The following RHAG variants were observed in gnomAD, a reference collection of about 807,000 sequenced individuals.
RHAG encodes the protein ammonium transporter Rh type A.
Under a neutral mutation model 42.4 loss-of-function variants are expected in RHAG, and 25 were observed. The ratio of observed to expected loss-of-function variants is 0.59; its 90% CI spans 0.43 to 0.82. RHAG has a LOEUF of 0.82. RHAG is among the 40% of genes least tolerant of loss of function. The probability of loss-of-function intolerance (pLI) is 0.00; values close to 1 mark genes in which losing one functional copy is unlikely to be tolerated. For missense variants in RHAG, 483 were observed against 504.6 expected (o/e 0.96, Z 0.41); for synonymous variants, 182 against 177.7 (o/e 1.02, Z -0.19).
chr6:49,618,086 C>T lies in RHAG; in HGVS notation c.474G>A (p.Leu158=), dbSNP rs150347356. Residue 158 remains leucine, a synonymous_variant, in exon 3 of 10, where the codon CTG becomes CTA. Transcript: ENST00000371175. Reference sequence around the variant, plus strand: ...CTCTTACCTTAAATATTTCACTAACCAGGTATTCATTGTGGGCAAAGAAAA... The same window carrying T: ...CTCTTACCTTAAATATTTCACTAACTAGGTATTCATTGTGGGCAAAGAAAA... ...EIVFFAHNEY[L]VSEIFKASDI... 2.4e-5 allele frequency: 39 copies of T among 1,613,740 alleles called. No individual in the cohort carries two copies. The highest frequency in any genetic ancestry group is 3.1e-5 in the Non-Finnish European group (36 of 1,179,824).
At position 49,636,794 on chromosome 6, in the gene RHAG, G is replaced by C; in HGVS notation, c.19C>G (p.Leu7Val). The C allele has an allele frequency of 6.2e-7, 1 of 1,613,850 alleles. No individual in the cohort carries two copies. The highest frequency in any genetic ancestry group is 8.5e-7 in the Non-Finnish European group (1 of 1,179,766). ...GCAATTTCCAGGACTATAGCCATGAGAGGGAATGTGAACCTCATGTTTGTG... is the reference window on the plus strand; with the variant it reads ...GCAATTTCCAGGACTATAGCCATGACAGGGAATGTGAACCTCATGTTTGTG... MRFTFP[L>V]MAIVLEIAMI... Residue 7 changes from leucine (L) to valine (V), a missense_variant, in exon 1 of 10, where the codon CTC becomes GTC. Coordinates refer to ENST00000371175, the MANE Select transcript of RHAG (RefSeq NM_000324.3).
At chr6:49,635,757 T>A (rs1036127297) in intron 1 of RHAG, among the ~76,000 whole-genome samples, 1 of 152,040 alleles carries the variant, frequency 6.6e-6, no homozygotes, top group African/African-American at 2.4e-5. Context: ...TCAAAAAATG[T>A]TGGAATAAAA....
At chr6:49,616,038 T>A (rs1307652706) in intron 3 of RHAG, among the ~76,000 whole-genome samples, 2 of 152,198 alleles carry the variant, frequency 1.3e-5, no homozygotes, top group African/African-American at 2.4e-5. Context: ...ATCTCTGATC[T>A]AAGGATTCTG....
At chr6:49,620,234 T>C (rs1159232797) in intron 1 of RHAG, among the ~76,000 whole-genome samples, 1 of 152,162 alleles carries the variant, frequency 6.6e-6, no homozygotes, top group Non-Finnish European at 1.5e-5. Context: ...TGCAACATTG[T>C]AAAGGCCCTA....
intron 1 of RHAG, among the ~76,000 whole-genome samples, chr6:49,627,652 T>G (rs1762862607): frequency 2.0e-5 from 3 of 152,168 alleles, no homozygotes; most frequent in Non-Finnish European, 4.4e-5. Context: ...ACTGCGTAAT[T>G]CATAAAGGAA....
intron 3 of RHAG, 133 bp from the exon 4 acceptor site, chr6:49,615,904 A>C: frequency 2.2e-6 from 2 of 889,924 alleles, no homozygotes; most frequent in Non-Finnish European, 1.8e-6. Flanking sequence ...AGATTGTGTC[A>C]GAGAAAGGGG....
At chr6:49,635,690 C>T (rs572439393) in intron 1 of RHAG, among the ~76,000 whole-genome samples, 1 of 152,120 alleles carries the variant, frequency 6.6e-6, no homozygotes, top group South Asian at 2.1e-4. Context: ...TCCTATGTCA[C>T]TTAGCAACTC....
At position 49,612,407 on chromosome 6, in the gene RHAG, T is replaced by G; in HGVS notation, c.935A>C (p.Lys312Thr). The G allele has an allele frequency of 6.2e-7, 1 of 1,614,180 alleles. No individual in the cohort carries two copies. Among genetic ancestry groups the G allele is most frequent in the South Asian group, 1.1e-5 (1 of 91,078 alleles). The stretch of plus-strand genomic sequence containing the variant: ...ATCTGCTGTACTTACAGTCAGGAAC[T>G]TGTATCCAAGCACAGAGACCATTCC... ...IAGMVSVLGY[K>T]FLTPLFTTKL... The change falls in exon 6 of 10, where the codon AAG (lysine) becomes ACG (threonine). Residue 312 changes from lysine to threonine, a missense_variant. By Grantham distance (78) the Lys-to-Thr change is moderately conservative. Transcript: ENST00000371175.
In RHAG at chr6:49,605,738, G is replaced by A; in HGVS notation, c.*75C>T. 7.7e-7 allele frequency: 1 copy of A among 1,302,134 alleles called. No homozygotes were observed. Among genetic ancestry groups the A allele is most frequent in the Non-Finnish European group, 1.1e-6 (1 of 895,216 alleles). The allele number at this position is 1,302,134 out of a possible 1,614,324, so 80.7% of individuals were successfully genotyped here. A position where few individuals can be genotyped will look rare whatever the true frequency, so the allele number is the denominator to read the frequency against. On this transcript the variant is annotated 3_prime_UTR_variant, in exon 10 of 10. Coordinates refer to ENST00000371175, the MANE Select transcript of RHAG (RefSeq NM_000324.3). ...ATTCTGGATAATGGGAAAGGAAGCT[G>A]GAGAGCAGGAATGGTGTTTAGACTT... is the stretch of plus-strand genomic sequence containing the variant.
At chr6:49,623,973 C>T (rs554462876) in intron 1 of RHAG, among the ~76,000 whole-genome samples, 2 of 152,212 alleles carry the variant, frequency 1.3e-5, no homozygotes, top group Admixed American at 6.5e-5. Context: ...CCTACATTTT[C>T]CTTGCTCCCT....
At chr6:49,608,170 T>A (rs1762506386) in intron 7 of RHAG, among the ~76,000 whole-genome samples, 1 of 152,192 alleles carries the variant, frequency 6.6e-6, no homozygotes, top group Non-Finnish European at 1.5e-5. Context: ...ATATTACTTA[T>A]TTTCACATTA....
In RHAG at chr6:49,612,476, A is replaced by G; in HGVS notation, c.866T>C (p.Met289Thr). The change falls in exon 6 of 10, where the codon ATG becomes ACG. Residue 289 changes from methionine (M) to threonine (T), a missense_variant. By Grantham distance (81) the Met-to-Thr change is moderately conservative (BLOSUM62 -1). Coordinates refer to ENST00000371175, the MANE Select transcript of RHAG (RefSeq NM_000324.3). Reference sequence around the variant, plus strand: ...CATAGAACCAAATGGGTGAATTGCCATATCCGCACAAGTGCCCACAGCAAC... The same window carrying G: ...CATAGAACCAAATGGGTGAATTGCCGTATCCGCACAAGTGCCCACAGCAAC... ...GGVAVGTCAD[M>T]AIHPFGSMII... 1 of 1,614,112 alleles carries G rather than the reference A, an allele frequency of 6.2e-7. No homozygotes were observed. The highest frequency in any genetic ancestry group is 8.5e-7 in the Non-Finnish European group (1 of 1,179,972).
At chr6:49,610,670 T>G (rs1762557349) in intron 7 of RHAG, among the ~76,000 whole-genome samples, 1 of 152,162 alleles carries the variant, frequency 6.6e-6, no homozygotes, top group South Asian at 2.1e-4. Flanking sequence ...TGGAACTGAC[T>G]GTTCAGCTCA....
chr6:49,616,847 G>C (rs1762665056), intron 3 of RHAG, among the ~76,000 whole-genome samples: 1 of 152,134 alleles, frequency 6.6e-6, no homozygotes, highest in South Asian at 2.1e-4. Context: ...GCAACACTTA[G>C]TCCCTTCCCA....
chr6:49,607,737 T>C (rs1012733094), intron 7 of RHAG, among the ~76,000 whole-genome samples: 1 of 152,160 alleles, frequency 6.6e-6, no homozygotes, highest in Non-Finnish European at 1.5e-5. Context: ...ATTTTGAGAA[T>C]GAAAGAATGT....
intron 2 of RHAG, 126 bp downstream of exon 2, chr6:49,619,053 C>G: frequency 2.0e-6 from 2 of 1,021,708 alleles, no homozygotes; most frequent in Non-Finnish European, 3.0e-6. Context: ...TTCATAAACA[C>G]TCTGCCTTCA....
chr6:49,614,193 T>C (rs868820385), intron 5 of RHAG, among the ~76,000 whole-genome samples: 1 of 144,076 alleles, frequency 6.9e-6, no homozygotes, highest in African/African-American at 2.7e-5. Flanking sequence ...TTTTTTTTTC[T>C]TTTTTTTTTT....
At position 49,614,819 on chromosome 6, in the gene RHAG, A is replaced by G. The variant is rs914856317; in HGVS notation, c.675T>C (p.Phe225=). 6.2e-7 allele frequency: 1 copy of G among 1,614,144 alleles called. No individual in the cohort carries two copies. Among genetic ancestry groups the G allele is most frequent in the Non-Finnish European group, 8.5e-7 (1 of 1,180,046 alleles). Reference sequence around the variant, plus strand: ...CTCCAGGTTCAGCAATGGCCGAGTTAAAGCTGGGCCAAAACATCCACAGAA... The same window carrying G: ...CTCCAGGTTCAGCAATGGCCGAGTTGAAGCTGGGCCAAAACATCCACAGAA... The part of the protein sequence containing the change: ...TLFLWMFWPS[F]NSAIAEPGDK... The change falls in exon 5 of 10, where the codon TTT becomes TTC. Residue 225 remains phenylalanine, a synonymous_variant. Coordinates refer to ENST00000371175, the MANE Select transcript of RHAG (RefSeq NM_000324.3).
intron 5 of RHAG, among the ~76,000 whole-genome samples, 153 bp from the exon 6 acceptor site, chr6:49,612,687 G>A (rs1387580338): frequency 6.6e-6 from 1 of 152,208 alleles, no homozygotes; most frequent in Non-Finnish European, 1.5e-5. Flanking sequence ...TGGATTTATA[G>A]AAGGCCTTTC....
Sources: allele counts gnomAD v4.1 joint callset (sites outside exome capture counted in the v4.1 genomes callset), GRCh38; gene constraint gnomAD v4.1.1; transcripts MANE v1.5; gene names NCBI Gene and HGNC (gene_info 2026-07-23, HGNC 2026-07-21).